NSD1: variants seen among roughly 807,000 people sequenced by gnomAD.
The protein encoded by NSD1 is nuclear receptor binding SET domain protein 1, also known as histone-lysine N-methyltransferase, H3 lysine-36 specific.
NSD1 carries 26 observed loss-of-function variants against 242.7 expected under a neutral mutation model. The ratio of observed to expected loss-of-function variants is 0.11; its 90% CI spans 0.08 to 0.15. The LOEUF (loss-of-function observed/expected upper bound fraction) is 0.15. NSD1 is among the 10% of genes least tolerant of loss of function. The pLI, the probability that NSD1 is intolerant of heterozygous loss-of-function variation, is 1.00. For synonymous variants in NSD1, 1,106 were observed against 1,178.1 expected, an observed-to-expected ratio of 0.94 and a Z score of 1.25; for missense variants, 2,495 against 3,272.8, an observed-to-expected ratio of 0.76 and a Z score of 5.80.
At chr5:177,250,567 T>TG (rs1755857221) in intron 11 of NSD1, among the ~76,000 whole-genome samples, 1 of 152,166 alleles carries the variant, frequency 6.6e-6, no homozygotes, top group African/African-American at 2.4e-5. Context: ...GGTCAGTTTT[T>TG]TTTTTTTTTT....
chr5:177,173,751 C>T (rs113112245), intron 2 of NSD1, among the ~76,000 whole-genome samples: 9 of 152,194 alleles, frequency 5.9e-5, no homozygotes, highest in African/African-American at 2.2e-4. Flanking sequence ...GGATTACAGG[C>T]ATGAGCCACT....
chr5:177,247,772 A>G (rs1229936568), intron 10 of NSD1, among the ~76,000 whole-genome samples: 1 of 152,202 alleles, frequency 6.6e-6, no homozygotes, highest in Non-Finnish European at 1.5e-5. Flanking sequence ...TAAAAGAGAG[A>G]AGTCAGGTCA....
intron 3 of NSD1, among the ~76,000 whole-genome samples, chr5:177,198,867 C>G (rs1233294472): frequency 6.6e-6 from 1 of 152,164 alleles, no homozygotes; most frequent in African/African-American, 2.4e-5. Context: ...TATTCATCAC[C>G]CTAACATGGA....
At chr5:177,250,256 T>G (rs1022717740) in intron 11 of NSD1, among the ~76,000 whole-genome samples, 1 of 152,238 alleles carries the variant, frequency 6.6e-6, no homozygotes, top group African/African-American at 2.4e-5. Flanking sequence ...AAAACAGTTA[T>G]GCCCATTATT....
At chr5:177,221,979 T>C (rs1013159551) in intron 5 of NSD1, among the ~76,000 whole-genome samples, 7 of 151,848 alleles carry the variant, frequency 4.6e-5, no homozygotes, top group African/African-American at 1.7e-4. Context: ...CGAGCTGAGT[T>C]TTTTGTATTT....
chr5:177,295,242 G>A lies in NSD1; in HGVS notation c.7874G>A (p.Trp2625Ter), dbSNP rs752399650. The part of the protein sequence containing the change: ...KKLVTTEQSP[W>*]ALGKASSRAG... The stretch of plus-strand genomic sequence containing the variant: ...TTGGTAACCACAGAGCAAAGTCCCT[G>A]GGCCCTGGGAAAAGCCTCATCACGG... Residue 2625 changes from tryptophan (W) to a stop codon, truncating the protein, a stop_gained, in exon 23 of 23, where the codon TGG becomes TAG. Transcript: ENST00000439151. LOFTEE classifies it high-confidence loss of function. The surrounding 1 kb of genome is among the most constrained non-coding windows in gnomAD (Gnocchi z 4.3). The A allele has an allele frequency of 1.7e-5, 27 of 1,614,096 alleles. No individual in the cohort carries two copies. The highest frequency in any genetic ancestry group is 2.2e-5 in the Non-Finnish European group (26 of 1,180,042).
At chr5:177,184,830 C>T (rs188763726) in intron 2 of NSD1, among the ~76,000 whole-genome samples, 3 of 152,194 alleles carry the variant, frequency 2.0e-5, no homozygotes, top group Admixed American at 2.0e-4. Flanking sequence ...AGCCACCACG[C>T]CTGGCCTTTT....
At chr5:177,293,222 T>TCAAA (rs996839011) in intron 22 of NSD1, among the ~76,000 whole-genome samples, 12 of 152,198 alleles carry the variant, frequency 7.9e-5, no homozygotes, top group Non-Finnish European at 2.9e-5. Context: ...CCCTCAGGTT[T>TCAAA]CATGAAATGT....
In NSD1 at chr5:177,295,309, GTCTTGC is replaced by G; in HGVS notation, c.7943_7948del (p.Ser2648_Cys2649del). 6.2e-7 allele frequency: 1 copy of G among 1,613,976 alleles called. No individual in the cohort carries two copies. The highest frequency in any genetic ancestry group is 8.5e-7 in the Non-Finnish European group (1 of 1,180,048). On this transcript the variant is annotated inframe_deletion, in exon 23 of 23. Coordinates refer to ENST00000439151, the MANE Select transcript of NSD1 (RefSeq NM_022455.5). This position sits in a 1 kb window ranked among gnomAD's most constrained non-coding sequence, Gnocchi z 4.3. ...TAGTGGCTGGACAGACACTGGCACA[GTCTTGC>G]TGGTCTGCTGGGAGCACACAGACAT...
In NSD1 at chr5:177,269,478, C is replaced by T; in HGVS notation, c.5304-124C>T. The T allele has an allele frequency of 2.4e-6, 2 of 842,626 alleles. No homozygotes were observed. Among genetic ancestry groups the T allele is most frequent in the Non-Finnish European group, 3.9e-6 (2 of 510,802 alleles). The allele number at this position is 842,626 out of a possible 1,614,324, so 52.2% of individuals were successfully genotyped here. On this transcript the variant is annotated intron_variant, in intron 15 of 22. Coordinates refer to ENST00000439151, the MANE Select transcript of NSD1 (RefSeq NM_022455.5). This position sits in a 1 kb window ranked among gnomAD's most constrained non-coding sequence, Gnocchi z 5.1. ...GTGTTCTAGTTAGGTTGTAAGAATG[C>T]CGTAAGATGGACTTTAATGTGGACA...
chr5:177,259,863 T>G, intron 13 of NSD1, 126 bp from the exon 14 acceptor site: 2 of 1,008,178 alleles, frequency 2.0e-6, no homozygotes, highest in Non-Finnish European at 3.0e-6. Flanking sequence ...ATCCATCATC[T>G]TAGTGGTCAT....
At chr5:177,214,375 T>C (rs966837028) in intron 5 of NSD1, among the ~76,000 whole-genome samples, 1 of 152,080 alleles carries the variant, frequency 6.6e-6, no homozygotes, top group African/African-American at 2.4e-5. Context: ...AAACAGTATT[T>C]AAGTGTGTAT....
chr5:177,273,251 GGAA>G (rs200778164), intron 16 of NSD1, among the ~76,000 whole-genome samples: 7,227 of 143,850 alleles, frequency 0.05, 191 homozygotes, highest in South Asian at 0.087. Context: ...GGGCCACACT[GGAA>G]GAAGAATTGT....
chr5:177,247,159 G>A (rs1425360600), intron 10 of NSD1, among the ~76,000 whole-genome samples: 7 of 152,240 alleles, frequency 4.6e-5, no homozygotes, highest in African/African-American at 2.4e-5. Context: ...GCCAGGTGCT[G>A]TGGCTCACGC....
chr5:177,151,679 G>A (rs1004335079), intron 2 of NSD1, among the ~76,000 whole-genome samples: 8 of 150,946 alleles, frequency 5.3e-5, no homozygotes, highest in Non-Finnish European at 1.2e-4. Flanking sequence ...ATGAGCCACC[G>A]TGCGTGTCCT....
intron 20 of NSD1, chr5:177,288,435 A>C (rs896652158): frequency 6.9e-6 from 2 of 291,890 alleles, no homozygotes; most frequent in Non-Finnish European, 1.3e-5. Flanking sequence ...TGTTCACCTG[A>C]GAACAGACAA....
chr5:177,284,169 C>G (rs1759114276), intron 20 of NSD1, among the ~76,000 whole-genome samples: 1 of 152,222 alleles, frequency 6.6e-6, no homozygotes, highest in Non-Finnish European at 1.5e-5. Flanking sequence ...TTCTTCACAG[C>G]CCCTGGCAAC....
intron 17 of NSD1, 76 bp from the exon 18 acceptor site, chr5:177,280,489 A>G (rs2127256724): frequency 1.9e-6 from 3 of 1,573,840 alleles, no homozygotes; most frequent in East Asian, 2.2e-5. Context: ...CAAGGAAAAA[A>G]AGTTTGCCTT....
Position 177,280,607 on chromosome 5 carries a change from T to G in NSD1, c.5665T>G (p.Leu1889Val), listed in dbSNP as rs762770820. ...CAGGGTACAGATCTTCACTGCAGAC[T>G]TATCTGAAATACCCCGTTGCAACTG... ...IGRVQIFTAD[L>V]SEIPRCNCKA... The change falls in exon 18 of 23, where the codon TTA becomes GTA. Residue 1889 changes from leucine (L) to valine (V), a missense_variant. Leu to Val is a conservative substitution (Grantham distance 32). This residue lies in a region of NSD1 where 114 missense variants were observed against 247.4 expected (regional missense o/e 0.46). Coordinates refer to ENST00000439151, the MANE Select transcript of NSD1 (RefSeq NM_022455.5). 6.2e-7 allele frequency: 1 copy of G among 1,614,246 alleles called. No homozygotes were observed. Among genetic ancestry groups the G allele is most frequent in the Non-Finnish European group, 8.5e-7 (1 of 1,180,050 alleles).
Sources: allele counts gnomAD v4.1 joint callset (sites outside exome capture counted in the v4.1 genomes callset), GRCh38; gene constraint gnomAD v4.1.1; regional missense constraint gnomAD v4.1.1; non-coding constraint Gnocchi (gnomAD v3.1); transcripts MANE v1.5; gene names NCBI Gene and HGNC (gene_info 2026-07-23, HGNC 2026-07-21).